The following NPAS2 variants were observed in gnomAD, a reference collection of about 807,000 sequenced individuals.
NPAS2 encodes neuronal PAS domain-containing protein 2.
Under a neutral mutation model 107.5 loss-of-function variants are expected in NPAS2, and 23 were observed. The observed-to-expected ratio is 0.21, with a 90% CI of 0.15 to 0.30. The LOEUF is 0.30. NPAS2 is among the 10% of genes least tolerant of loss of function. The probability of loss-of-function intolerance (pLI) is 1.00; values close to 1 mark genes in which losing one functional copy is unlikely to be tolerated. For synonymous variants in NPAS2, 403 were observed against 417.5 expected, an observed-to-expected ratio of 0.97 and a Z score of 0.42; for missense variants, 756 against 1,043.3, an observed-to-expected ratio of 0.72 and a Z score of 3.79.
chr2:100,982,108 G>T, intron 15 of NPAS2, 123 bp from the exon 16 acceptor site: 1 of 1,222,010 alleles, frequency 8.2e-7, no homozygotes, highest in Non-Finnish European at 1.1e-6. Context: ...GGGCTCCTTA[G>T]GGATGCTGGG....
At chr2:100,873,032 G>T (rs747879153) in intron 1 of NPAS2, among the ~76,000 whole-genome samples, 140 of 151,948 alleles carry the variant, frequency 9.2e-4, no homozygotes, top group Admixed American at 2.2e-3. Flanking sequence ...GCCAGGCGCA[G>T]TGTCTCATGC....
At chr2:100,825,261 A>C (rs924366051) in intron 1 of NPAS2, among the ~76,000 whole-genome samples, 2 of 152,182 alleles carry the variant, frequency 1.3e-5, no homozygotes, top group Admixed American at 1.3e-4. Context: ...TTGGTGATAA[A>C]ATATTAAGAG....
chr2:100,972,035 C>A (rs1326397041), intron 12 of NPAS2, among the ~76,000 whole-genome samples: 1 of 151,532 alleles, frequency 6.6e-6, no homozygotes, highest in Admixed American at 6.6e-5. Flanking sequence ...GCAAACTCCA[C>A]CTCCCAGGAT....
At position 100,977,729 on chromosome 2, in the gene NPAS2, C is replaced by T. The variant is rs11541353; in HGVS notation, c.1412C>T (p.Ser471Leu). The T allele has an allele frequency of 0.16, 257,588 of 1,613,442 alleles. 22,385 individuals carry two copies. Among genetic ancestry groups the T allele is most frequent in the Non-Finnish European group, 0.18 (209,668 of 1,179,382 alleles). Reference sequence around the variant, plus strand: ...CCACAGGCCCCTCTGCCTTCCCCATCGTCCTGCGACCTCACACAGCAGCTC... The same window carrying T: ...CCACAGGCCCCTCTGCCTTCCCCATTGTCCTGCGACCTCACACAGCAGCTC... ...ATMPAPLPSPSSCDLTQQLLP... is the reference protein window; with the variant it reads ...ATMPAPLPSPLSCDLTQQLLP... The change falls in exon 15 of 21, where the codon TCG becomes TTG. Residue 471 changes from serine (S) to leucine (L), a missense_variant. This residue lies in a region of NPAS2 where 496 missense variants were observed against 594.4 expected (regional missense o/e 0.83). Transcript: ENST00000335681.
chr2:100,922,489 A>G (rs1035658637), intron 2 of NPAS2, among the ~76,000 whole-genome samples: 3 of 152,172 alleles, frequency 2.0e-5, no homozygotes, highest in Admixed American at 2.0e-4. Flanking sequence ...ACGCTGAGGC[A>G]GGAGAATCCC....
At chr2:100,858,898 T>C (rs1188324495) in intron 1 of NPAS2, among the ~76,000 whole-genome samples, 1 of 152,216 alleles carries the variant, frequency 6.6e-6, no homozygotes, top group Non-Finnish European at 1.5e-5. Context: ...CTCAATAAGA[T>C]ATTTAGTAAA....
intron 3 of NPAS2, among the ~76,000 whole-genome samples, chr2:100,929,423 A>G (rs1201402874): frequency 6.6e-6 from 1 of 152,116 alleles, no homozygotes; most frequent in Non-Finnish European, 1.5e-5. Context: ...GCTGTTCATG[A>G]GTGTGTCCAT....
chr2:100,834,545 A>C (rs1179931435), intron 1 of NPAS2, among the ~76,000 whole-genome samples: 1 of 152,206 alleles, frequency 6.6e-6, no homozygotes, highest in Non-Finnish European at 1.5e-5. Context: ...GAAGGAGACT[A>C]AACTGCCTAC....
chr2:100,834,674 T>G (rs1676948171), intron 1 of NPAS2, among the ~76,000 whole-genome samples: 1 of 151,946 alleles, frequency 6.6e-6, no homozygotes, highest in African/African-American at 2.4e-5. Flanking sequence ...GGCCATCCCT[T>G]TATCATTTTT....
At chr2:100,979,502 A>ATTTTTTT (rs757799235) in intron 15 of NPAS2, among the ~76,000 whole-genome samples, 2 of 43,334 alleles carry the variant, frequency 4.6e-5, no homozygotes, top group Non-Finnish European at 4.2e-5. Context: ...ATATATATAT[A>ATTTTTTT]TTTTTTTTTT....
chr2:100,818,875 G>A (rs909649042), upstream of NPAS2, among the ~76,000 whole-genome samples: 5 of 152,204 alleles, frequency 3.3e-5, no homozygotes, highest in African/African-American at 7.2e-5. Flanking sequence ...CCACCCAGGC[G>A]CCTCCCCGCT....
intron 2 of NPAS2, among the ~76,000 whole-genome samples, chr2:100,905,155 A>T (rs1030843348): frequency 3.3e-5 from 5 of 152,128 alleles, no homozygotes; most frequent in African/African-American, 1.2e-4. Flanking sequence ...TTCAAGTCCT[A>T]ACTCAGTTGC....
chr2:100,963,185 A>G (rs1676011520), intron 7 of NPAS2, among the ~76,000 whole-genome samples: 1 of 152,194 alleles, frequency 6.6e-6, no homozygotes, highest in African/African-American at 2.4e-5. Context: ...TGGGCTCCCA[A>G]GGGGGAGTTT....
At chr2:100,891,260 C>T (rs563124675) in intron 1 of NPAS2, among the ~76,000 whole-genome samples, 16 of 151,326 alleles carry the variant, frequency 1.1e-4, no homozygotes, top group Middle Eastern at 3.4e-3. Context: ...GTGAGGATGA[C>T]AGGAGAAGGT....
intron 1 of NPAS2, among the ~76,000 whole-genome samples, chr2:100,865,412 C>T (rs1679191083): frequency 6.6e-6 from 1 of 152,132 alleles, no homozygotes. Flanking sequence ...TGAGGCCCCA[C>T]TTACCTGCTA....
chr2:100,931,160 G>A (rs543604221), intron 3 of NPAS2, among the ~76,000 whole-genome samples: 2 of 152,252 alleles, frequency 1.3e-5, no homozygotes, highest in East Asian at 1.9e-4. Flanking sequence ...TATGAGGCCC[G>A]ACACTGGACG....
intron 2 of NPAS2, among the ~76,000 whole-genome samples, chr2:100,923,850 G>C (rs533499837): frequency 6.6e-6 from 1 of 152,090 alleles, no homozygotes; most frequent in Admixed American, 6.6e-5. Context: ...GAGGCCCCTC[G>C]AGTAGCACTG....
chr2:100,918,494 C>T (rs1333603681), intron 2 of NPAS2, among the ~76,000 whole-genome samples: 7 of 152,092 alleles, frequency 4.6e-5, no homozygotes, highest in Admixed American at 4.6e-4. Flanking sequence ...ACTGACAAAT[C>T]ACATTTCTGA....
intron 7 of NPAS2, among the ~76,000 whole-genome samples, chr2:100,961,620 T>C (rs752438897): frequency 1.3e-4 from 19 of 151,634 alleles, no homozygotes; most frequent in Non-Finnish European, 2.4e-4. Flanking sequence ...AACTGCATTA[T>C]GGGGGCAGCC....
Sources: gnomAD v4.1 joint callset for allele counts (sites outside exome capture counted in the v4.1 genomes callset) on GRCh38, gnomAD v4.1.1 for gene constraint, gnomAD v4.1.1 regional missense constraint, MANE v1.5 for transcripts, NCBI Gene and HGNC (gene_info 2026-07-23, HGNC 2026-07-21) for gene names.